Variants in DCDC1 observed in about 807,000 individuals in gnomAD.
DCDC1 encodes doublecortin domain containing 1.
DCDC1 carries 200 observed loss-of-function variants against 178.3 expected under a neutral mutation model. The observed-to-expected ratio is 1.12, with a 90% CI of 1.00 to 1.26. DCDC1 has a LOEUF of 1.26. Among genes scored for constraint, DCDC1 ranks in the 50% most tolerant of loss-of-function variants. DCDC1 has a pLI of 0.00. For synonymous variants in DCDC1, 690 were observed against 604.8 expected (o/e 1.14, Z -2.07); for missense variants, 1,983 against 1,749.2 (o/e 1.13, Z -2.38).
chr11:30,944,322 C>A, intron 21 of DCDC1: 1 of 456,722 alleles, frequency 2.2e-6, no homozygotes. Flanking sequence ...TATCTCCTTC[C>A]TTGCTCTGTC....
chr11:31,014,204 T>TC (rs1491535908), intron 20 of DCDC1, among the ~76,000 whole-genome samples: 2 of 150,052 alleles, frequency 1.3e-5, no homozygotes, highest in African/African-American at 5.1e-5. Context: ...TCACTCTCTC[T>TC]TTCTCTCTCT....
chr11:31,268,945 C>A (rs997082617), intron 7 of DCDC1, among the ~76,000 whole-genome samples: 2 of 152,174 alleles, frequency 1.3e-5, no homozygotes, highest in Non-Finnish European at 2.9e-5. Flanking sequence ...CTCAAAGATT[C>A]CCCTTTTCAT....
intron 20 of DCDC1, among the ~76,000 whole-genome samples, chr11:31,017,497 T>TA (rs1254318143): frequency 6.6e-6 from 1 of 151,926 alleles, no homozygotes; most frequent in Non-Finnish European, 1.5e-5. Context: ...AAAATAAATT[T>TA]AAAAAATAAT....
At chr11:30,918,040 T>C (rs894710536) in intron 25 of DCDC1, among the ~76,000 whole-genome samples, 2 of 148,530 alleles carry the variant, frequency 1.3e-5, no homozygotes, top group Admixed American at 6.9e-5. Context: ...CCTCTCCCTT[T>C]ACAGTTAAAA....
chr11:31,010,959 TA>T (rs761531196), intron 20 of DCDC1, among the ~76,000 whole-genome samples: 1 of 152,188 alleles, frequency 6.6e-6, no homozygotes, highest in Non-Finnish European at 1.5e-5. Flanking sequence ...ATGTTTGTTA[TA>T]TTTTTTAAAA....
At chr11:31,266,752 C>T (rs575649585) in intron 7 of DCDC1, among the ~76,000 whole-genome samples, 9 of 152,272 alleles carry the variant, frequency 5.9e-5, no homozygotes, top group African/African-American at 2.2e-4. Flanking sequence ...ATAATTTAGT[C>T]CTAGCTTAAC....
At chr11:31,302,485 TATA>T (rs770927224) in intron 6 of DCDC1, among the ~76,000 whole-genome samples, 2 of 152,188 alleles carry the variant, frequency 1.3e-5, no homozygotes, top group Non-Finnish European at 2.9e-5. Context: ...ATGCCAGAAG[TATA>T]ATACCTAATA....
In DCDC1 at chr11:31,248,969, C is replaced by T. The variant is rs566302688; in HGVS notation, c.1055-7353G>A. The stretch of plus-strand genomic sequence containing the variant: ...TGTTTGTTTTCATTGGCAATTATTA[C>T]AATATATTTCATAATAAACTTCTGG... On this transcript the variant is annotated intron_variant, in intron 8 of 38. Coordinates refer to ENST00000684477, the MANE Select transcript of DCDC1 (RefSeq NM_001387274.1). Among the ~76,000 whole-genome samples, 61 of 152,130 alleles carry T rather than the reference C, an allele frequency of 4.0e-4. 2 individuals are homozygous for T. The South Asian group carries it at 0.011, about 28-fold the overall frequency.
At chr11:31,059,193 T>G (rs1311959464) in intron 20 of DCDC1, among the ~76,000 whole-genome samples, 1 of 152,152 alleles carries the variant, frequency 6.6e-6, no homozygotes, top group Non-Finnish European at 1.5e-5. Context: ...TTTATAGACA[T>G]AAGCCTAATC....
chr11:31,181,737 T>C (rs1350286839), intron 9 of DCDC1, among the ~76,000 whole-genome samples: 2 of 151,902 alleles, frequency 1.3e-5, no homozygotes, highest in East Asian at 1.9e-4. Flanking sequence ...AGACCAAAGG[T>C]AGATAAATCC....
intron 16 of DCDC1, 55 bp from the exon 17 acceptor site, chr11:31,091,566 A>T (rs1957825437): frequency 2.9e-6 from 2 of 696,916 alleles, no homozygotes; most frequent in East Asian, 5.3e-5. Context: ...AGAACCAGAA[A>T]ATTCAACAAT....
chr11:31,358,909 G>A (rs1951547382), intron 1 of DCDC1, among the ~76,000 whole-genome samples: 1 of 152,144 alleles, frequency 6.6e-6, no homozygotes, highest in African/African-American at 2.4e-5. Flanking sequence ...AGTTAGAATG[G>A]CAATCATTAA....
chr11:30,964,726 G>A (rs929417468), intron 20 of DCDC1, among the ~76,000 whole-genome samples: 1 of 152,058 alleles, frequency 6.6e-6, no homozygotes, highest in African/African-American at 2.4e-5. Flanking sequence ...AACTTTTTCT[G>A]CTACAATCAT....
At chr11:30,996,551 A>G (rs1215081475) in intron 20 of DCDC1, among the ~76,000 whole-genome samples, 5 of 152,138 alleles carry the variant, frequency 3.3e-5, no homozygotes, top group African/African-American at 1.2e-4. Flanking sequence ...ATGCTCTTAT[A>G]AAAGGGCGTG....
At chr11:31,008,935 G>A (rs1479224816) in intron 20 of DCDC1, among the ~76,000 whole-genome samples, 1 of 152,030 alleles carries the variant, frequency 6.6e-6, no homozygotes, top group Non-Finnish European at 1.5e-5. Flanking sequence ...AATGAAGGGG[G>A]ACAATTAACA....
intron 17 of DCDC1, among the ~76,000 whole-genome samples, chr11:31,086,706 T>G (rs2135623019): frequency 6.6e-6 from 1 of 152,316 alleles, no homozygotes; most frequent in South Asian, 2.1e-4. Context: ...CTATGATCAT[T>G]TAGAGCTAAT....
intron 17 of DCDC1, among the ~76,000 whole-genome samples, chr11:31,083,446 G>C (rs182614408): frequency 6.6e-6 from 1 of 152,260 alleles, no homozygotes; most frequent in East Asian, 1.9e-4. Flanking sequence ...GGGCCAGACA[G>C]GTATTAGAAA....
chr11:31,212,909 A>G (rs773043620), intron 9 of DCDC1, among the ~76,000 whole-genome samples: 4 of 152,118 alleles, frequency 2.6e-5, no homozygotes, highest in Non-Finnish European at 5.9e-5. Flanking sequence ...ATTAGTAGCT[A>G]TATATAACTG....
intron 9 of DCDC1, among the ~76,000 whole-genome samples, chr11:31,170,311 TTGCC>T (rs1430124286): frequency 6.6e-6 from 1 of 152,172 alleles, no homozygotes; most frequent in Non-Finnish European, 1.5e-5. Context: ...CGAAAAAAAG[TTGCC>T]TTTTGGGTCA....
Sources: allele counts gnomAD v4.1 joint callset (sites outside exome capture counted in the v4.1 genomes callset), GRCh38; gene constraint gnomAD v4.1.1; transcripts MANE v1.5; gene names NCBI Gene and HGNC (gene_info 2026-07-23, HGNC 2026-07-21).